Variants in USP3 observed in about 807,000 individuals in gnomAD.
USP3 encodes ubiquitin specific peptidase 3.
In USP3, 20 loss-of-function variants were observed where a neutral mutation model predicts 72.3. The ratio of observed to expected loss-of-function variants is 0.28; its 90% confidence interval spans 0.19 to 0.40. The LOEUF is 0.40. USP3 is among the 10% of genes least tolerant of loss of function. The probability of loss-of-function intolerance (pLI) is 1.00; values close to 1 mark genes in which losing one functional copy is unlikely to be tolerated. For missense variants in USP3, 479 were observed against 633.9 expected (o/e 0.76, Z 2.62); for synonymous variants, 222 against 225.3 (o/e 0.99, Z 0.13).
chr15:63,538,006 A>G (rs537504533), intron 3 of USP3, among the ~76,000 whole-genome samples: 38 of 149,770 alleles, frequency 2.5e-4, no homozygotes, highest in African/African-American at 9.3e-4. Context: ...TTTTTTTAGT[A>G]TCCTTTAAAA....
chr15:63,534,041 G>A (rs1313866744), intron 2 of USP3: 5 of 231,038 alleles, frequency 2.2e-5, no homozygotes, highest in Admixed American at 6.5e-5. Flanking sequence ...AAAAATTAGA[G>A]ATTAATGTTC....
chr15:63,545,852 T>C (rs1236174562), intron 3 of USP3, among the ~76,000 whole-genome samples: 9 of 151,458 alleles, frequency 5.9e-5, no homozygotes, highest in Non-Finnish European at 1.3e-4. Context: ...GTGTCTGTAG[T>C]CTCAGCTACT....
chr15:63,547,743 AGGGAGGGAGG>A (rs1567108473), intron 3 of USP3, among the ~76,000 whole-genome samples: 8 of 7,666 alleles, frequency 1.0e-3, no homozygotes, highest in African/African-American at 4.7e-3. Flanking sequence ...AGAGAGAGAG[AGGGAGGGAGG>A]GAGGGAGGGA....
In USP3 at chr15:63,592,830, G is replaced by T. The variant is rs1757924755; in HGVS notation, c.*2004G>T. ...TCCCTCAGGTTGGATATCTGAAGTT[G>T]TGGGAGCAGATGTAGCTCCATTTCC... On this transcript the variant is annotated 3_prime_UTR_variant, in exon 15 of 15. Transcript: ENST00000380324. The T allele has an allele frequency of 6.6e-6, 1 of 151,512 alleles. No homozygotes were observed. The allele number at this position is 151,512 out of a possible 1,614,324, so 9.4% of individuals were successfully genotyped here. A position where few individuals can be genotyped will look rare whatever the true frequency, so the allele number is the denominator to read the frequency against.
chr15:63,588,803 C>G lies in USP3; in HGVS notation c.1317C>G (p.Cys439Trp), dbSNP rs2067125819. 6.2e-7 allele frequency: 1 copy of G among 1,613,834 alleles called. No homozygotes were observed. Reference sequence around the variant, plus strand: ...CACTGAGAGGCCTAGACATGAAATGCTACTTACTAGAGGTAAGGTGGTTAC... The same window carrying G: ...CACTGAGAGGCCTAGACATGAAATGGTACTTACTAGAGGTAAGGTGGTTAC... ...EFPLRGLDMKCYLLEPENSGP... is the reference protein window; with the variant it reads ...EFPLRGLDMKWYLLEPENSGP... Residue 439 changes from cysteine to tryptophan, a missense_variant, in exon 13 of 15, where the codon TGC (cysteine) becomes TGG (tryptophan). Physicochemically the swap from Cys to Trp is radical, Grantham distance 215 (BLOSUM62 -2). Transcript: ENST00000380324. The surrounding 1 kb of genome is among the most constrained non-coding windows in gnomAD (Gnocchi z 4.6).
intron 1 of USP3, chr15:63,515,537 T>G (rs1420828385): frequency 6.6e-6 from 1 of 152,176 alleles, no homozygotes; most frequent in Non-Finnish European, 1.5e-5. Context: ...AGATGACAAG[T>G]TTTGGCCAGC....
chr15:63,538,892 T>C (rs1000828709), intron 3 of USP3, among the ~76,000 whole-genome samples: 6 of 152,218 alleles, frequency 3.9e-5, no homozygotes, highest in African/African-American at 1.4e-4. Context: ...TTCAGATCAC[T>C]ACTGTTTTTA....
At chr15:63,580,323 G>A (rs2066932021) in intron 11 of USP3, among the ~76,000 whole-genome samples, 1 of 152,086 alleles carries the variant, frequency 6.6e-6, no homozygotes, top group South Asian at 2.1e-4. Context: ...TCTCAGGGAA[G>A]TGGGATTCAG....
At chr15:63,543,125 C>T (rs1455854103) in intron 3 of USP3, among the ~76,000 whole-genome samples, 1 of 152,114 alleles carries the variant, frequency 6.6e-6, no homozygotes, top group Non-Finnish European at 1.5e-5. Flanking sequence ...CTATTGGTTA[C>T]ACCTAGGAAT....
At chr15:63,569,040 A>G (rs2066738683) in intron 8 of USP3, among the ~76,000 whole-genome samples, 1 of 152,202 alleles carries the variant, frequency 6.6e-6, no homozygotes, top group Admixed American at 6.5e-5. Flanking sequence ...TGGTATAGCT[A>G]TAAGGTGCTG....
In USP3 at chr15:63,533,880, G is replaced by T. The variant is rs913203824; in HGVS notation, c.152+1173G>T. The T allele has an allele frequency of 3.3e-6, 4 of 1,211,892 alleles. No homozygotes were observed. The African/African-American group carries it at 6.4e-5, about 20-fold the overall frequency. 75.1% of individuals were successfully genotyped at this position (1,211,892 alleles called of 1,614,324 possible). ...AGAAAAGTAGAAGCACTTAAATTCT[G>T]CAGTTGAAGAGACAGATTCCTCTCC... On this transcript the variant is annotated intron_variant, in intron 2 of 14. Coordinates refer to ENST00000380324, the MANE Select transcript of USP3 (RefSeq NM_006537.4).
intron 11 of USP3, among the ~76,000 whole-genome samples, chr15:63,584,541 T>A (rs919156284): frequency 3.3e-5 from 5 of 152,244 alleles, no homozygotes; most frequent in Non-Finnish European, 7.3e-5. Flanking sequence ...GTAATTGTGA[T>A]GTTGAGCATC....
intron 8 of USP3, among the ~76,000 whole-genome samples, 162 bp downstream of exon 8, chr15:63,563,170 G>A (rs1455960206): frequency 6.6e-6 from 1 of 152,108 alleles, no homozygotes; most frequent in Non-Finnish European, 1.5e-5. Flanking sequence ...GAATACATCT[G>A]ACTAAACACA....
chr15:63,548,388 C>T (rs367833690), intron 3 of USP3, among the ~76,000 whole-genome samples: 14 of 151,434 alleles, frequency 9.2e-5, no homozygotes, highest in East Asian at 5.9e-4. Context: ...TGCAGTAGCA[C>T]GATCTCAGCT....
chr15:63,573,213 G>A (rs1424984257), intron 9 of USP3, among the ~76,000 whole-genome samples: 1 of 152,144 alleles, frequency 6.6e-6, no homozygotes, highest in African/African-American at 2.4e-5. Flanking sequence ...TAATAAAATA[G>A]TGGCAAACAC....
intron 9 of USP3, among the ~76,000 whole-genome samples, chr15:63,571,923 C>CTCTAGTTG (rs2066784346): frequency 6.6e-6 from 1 of 152,160 alleles, no homozygotes. Context: ...ATATTTGCTA[C>CTCTAGTTG]AACTAGAAAA....
chr15:63,506,807 G>A (rs1011213427), intron 1 of USP3, among the ~76,000 whole-genome samples: 15 of 152,212 alleles, frequency 9.9e-5, no homozygotes, highest in African/African-American at 3.6e-4. Context: ...ATATAGCTTT[G>A]CAAGCCTGGG....
At position 63,590,922 on chromosome 15, in the gene USP3, T is replaced by C. The variant is rs1359137993; in HGVS notation, c.*96T>C. 7.2e-7 allele frequency: 1 copy of C among 1,386,408 alleles called. No individual in the cohort carries two copies. The highest frequency in any genetic ancestry group is 9.5e-7 in the Non-Finnish European group (1 of 1,053,316). 85.9% of individuals were successfully genotyped at this position (1,386,408 alleles called of 1,614,324 possible). A position where few individuals can be genotyped will look rare whatever the true frequency, so the allele number is the denominator to read the frequency against. On this transcript the variant is annotated 3_prime_UTR_variant, in exon 15 of 15. Coordinates refer to ENST00000380324, the MANE Select transcript of USP3 (RefSeq NM_006537.4). ...CAAGATTTAATTTCATTATGCACTTTTCAATTTCCTATTTTGGATTTAGTT... is the reference window on the plus strand; with the variant it reads ...CAAGATTTAATTTCATTATGCACTTCTCAATTTCCTATTTTGGATTTAGTT...
intron 5 of USP3, among the ~76,000 whole-genome samples, chr15:63,557,327 A>G (rs4984249): frequency 0.54 from 82,382 of 151,676 alleles, 23,553 homozygotes; most frequent in African/African-American, 0.64. Flanking sequence ...CAGTGGCACA[A>G]TCTTGGCCCA....
Sources: allele counts gnomAD v4.1 joint callset (sites outside exome capture counted in the v4.1 genomes callset), GRCh38; gene constraint gnomAD v4.1.1; non-coding constraint Gnocchi (gnomAD v3.1); transcripts MANE v1.5; gene names NCBI Gene and HGNC (gene_info 2026-07-23, HGNC 2026-07-21).